The following FKBP15 variants were observed in gnomAD, a reference collection of about 807,000 sequenced individuals.
FKBP15 encodes FK506-binding protein 15.
FKBP15 carries 106 observed loss-of-function variants against 158.1 expected under a neutral mutation model. That is an observed-to-expected ratio of 0.67 (90% CI 0.57 to 0.79). FKBP15 has a LOEUF of 0.79. FKBP15 is among the 30% of genes least tolerant of loss of function. FKBP15 has a pLI of 0.00. For synonymous variants in FKBP15, 547 were observed against 548.6 expected (o/e 1.00, Z 0.04); for missense variants, 1,287 against 1,479.1 (o/e 0.87, Z 2.13).
At chr9:113,210,332 CTTTT>C (rs35201179) in intron 2 of FKBP15, among the ~76,000 whole-genome samples, 5 of 114,740 alleles carry the variant, frequency 4.4e-5, no homozygotes, top group Admixed American at 9.9e-5. Flanking sequence ...GTTGTGATGG[CTTTT>C]TTTTTTTTTT....
chr9:113,163,297 G>T lies in FKBP15; in HGVS notation c.*2781C>A, dbSNP rs1587943826. ...TTGGTGATGCAGGGCATGGAACCTG[G>T]ACACCCTCAGCTCTCCTGCTTTGTG... is the stretch of plus-strand genomic sequence containing the variant. On this transcript the variant is annotated 3_prime_UTR_variant, in exon 28 of 28. Coordinates refer to ENST00000238256, the MANE Select transcript of FKBP15 (RefSeq NM_015258.2). 2 of 159,906 alleles carry T rather than the reference G, an allele frequency of 1.3e-5. No individual in the cohort carries two copies. The highest frequency in any genetic ancestry group is 3.7e-4 in the East Asian group (2 of 5,418). 9.9% of individuals were successfully genotyped at this position (159,906 alleles called of 1,614,324 possible).
intron 19 of FKBP15, among the ~76,000 whole-genome samples, chr9:113,181,931 A>C (rs11790675): frequency 0.14 from 20,942 of 152,114 alleles, 1,876 homozygotes; most frequent in Non-Finnish European, 0.19. Flanking sequence ...AATGGTATAA[A>C]GTAATGGGAA....
chr9:113,175,886 A>G (rs1830291309), intron 21 of FKBP15, among the ~76,000 whole-genome samples: 1 of 152,212 alleles, frequency 6.6e-6, no homozygotes, highest in African/African-American at 2.4e-5. Context: ...GAAGAATGTG[A>G]CAAATGGGCT....
chr9:113,177,688 T>C (rs999495453), intron 20 of FKBP15, among the ~76,000 whole-genome samples: 8 of 152,228 alleles, frequency 5.3e-5, no homozygotes, highest in Admixed American at 2.6e-4. Context: ...ACCTTACCAA[T>C]TGACATCATT....
Position 113,163,010 on chromosome 9 carries a change from A to C in FKBP15, c.*3068T>G. 1 of 1,196,812 alleles carries C rather than the reference A, an allele frequency of 8.4e-7. No individual in the cohort carries two copies. The highest frequency in any genetic ancestry group is 1.1e-6 in the Non-Finnish European group (1 of 882,748). The allele number at this position is 1,196,812 out of a possible 1,614,324, so 74.1% of individuals were successfully genotyped here. ...CCAACTGCCCTTTCTTCTGATGGCTATTCCTCCACCTTATTCCCAGCCCCT... is the reference window on the plus strand; with the variant it reads ...CCAACTGCCCTTTCTTCTGATGGCTCTTCCTCCACCTTATTCCCAGCCCCT... On this transcript the variant is annotated 3_prime_UTR_variant, in exon 28 of 28. Coordinates refer to ENST00000238256, the MANE Select transcript of FKBP15 (RefSeq NM_015258.2).
At chr9:113,179,740 A>G (rs1830360366) in intron 19 of FKBP15, among the ~76,000 whole-genome samples, 1 of 152,100 alleles carries the variant, frequency 6.6e-6, no homozygotes, top group Non-Finnish European at 1.5e-5. Flanking sequence ...CTGTGGGGTA[A>G]TCATTCTTTT....
chr9:113,204,058 G>T (rs1358315768), intron 4 of FKBP15, among the ~76,000 whole-genome samples: 4 of 151,678 alleles, frequency 2.6e-5, no homozygotes, highest in Non-Finnish European at 5.9e-5. Flanking sequence ...TATTATGAAT[G>T]ATACTTCTAT....
intron 15 of FKBP15, among the ~76,000 whole-genome samples, chr9:113,185,072 C>G (rs1830463532): frequency 6.6e-6 from 1 of 152,234 alleles, no homozygotes; most frequent in Non-Finnish European, 1.5e-5. Flanking sequence ...CCACTTTGCA[C>G]TGCCACAGCA....
Position 113,187,885 on chromosome 9 carries a change from C to T in FKBP15, c.1291G>A (p.Val431Ile). 3.7e-6 allele frequency: 6 copies of T among 1,613,758 alleles called. No homozygotes were observed. The highest frequency in any genetic ancestry group is 5.1e-6 in the Non-Finnish European group (6 of 1,179,720). The change falls in exon 14 of 28, where the codon GTT (valine) becomes ATT (isoleucine). Residue 431 changes from valine (V) to isoleucine (I), a missense_variant. By Grantham distance (29) the Val-to-Ile change is conservative. Coordinates refer to ENST00000238256, the MANE Select transcript of FKBP15 (RefSeq NM_015258.2). The part of the protein sequence containing the change: ...QMTSQAPQPS[V>I]TGLQAPSAAL... Reference sequence around the variant, plus strand: ...GCAGAAGGTGCCTGGAGCCCAGTAACAGATGGCTGAGGTGCTAAGATAAAG... The same window carrying T: ...GCAGAAGGTGCCTGGAGCCCAGTAATAGATGGCTGAGGTGCTAAGATAAAG...
At chr9:113,204,156 C>T (rs1007487627) in intron 4 of FKBP15, among the ~76,000 whole-genome samples, 1 of 152,174 alleles carries the variant, frequency 6.6e-6, no homozygotes, top group African/African-American at 2.4e-5. Flanking sequence ...CAGCTTACCG[C>T]AACCTCCACC....
At chr9:113,207,070 G>T in intron 3 of FKBP15, 142 bp downstream of exon 3, 1 of 661,538 alleles carries the variant, frequency 1.5e-6, no homozygotes, top group Non-Finnish European at 2.7e-6. Flanking sequence ...CTCCAATTCA[G>T]ATGTTAAAAG....
chr9:113,168,589 T>C, intron 26 of FKBP15, 33 bp from the exon 27 acceptor site: 1 of 1,596,380 alleles, frequency 6.3e-7, no homozygotes, highest in South Asian at 1.1e-5. Flanking sequence ...AAAATGTTAT[T>C]GTTCCTGCTC....
chr9:113,161,248 G>A lies in FKBP15; in HGVS notation c.*4830C>T. ...ACGACAGATTTGTGCAGCCTGCTGG[G>A]GGAGTGGGTGGGGTAATGGTACGTG... On this transcript the variant is annotated 3_prime_UTR_variant, in exon 28 of 28. Transcript: ENST00000238256. 2.1e-6 allele frequency: 1 copy of A among 482,800 alleles called. No homozygotes were observed. The highest frequency in any genetic ancestry group is 2.7e-5 in the South Asian group (1 of 37,420). The allele number at this position is 482,800 out of a possible 1,614,324, so 29.9% of individuals were successfully genotyped here.
chr9:113,190,398 A>G, intron 12 of FKBP15, 73 bp downstream of exon 12: 8 of 1,227,706 alleles, frequency 6.5e-6, no homozygotes, highest in Non-Finnish European at 9.3e-6. Flanking sequence ...AAAAACAATC[A>G]CTCCAACCAA....
Position 113,186,351 on chromosome 9 carries a change from T to C in FKBP15, c.1396A>G (p.Met466Val), listed in dbSNP as rs1830486257. Residue 466 changes from methionine to valine, a missense_variant, in exon 15 of 28, where the codon ATG (methionine) becomes GTG (valine). By Grantham distance (21) the Met-to-Val change is conservative (BLOSUM62 1). Transcript: ENST00000238256. ...GCCTGGGGATAAGCGTAGGCTTGCA[T>C]ACCTGCATAGGGCTGAGAAACTGAC... ...NAQSFQPYAG[M>V]QAYAYPQASA... is the part of the protein sequence containing the mutation. The C allele has an allele frequency of 1.3e-6, 2 of 1,561,296 alleles. No homozygotes were observed. The highest frequency in any genetic ancestry group is 1.7e-6 in the Non-Finnish European group (2 of 1,151,916).
chr9:113,193,042 T>C (rs1409803715), intron 11 of FKBP15, among the ~76,000 whole-genome samples: 1 of 152,184 alleles, frequency 6.6e-6, no homozygotes, highest in Non-Finnish European at 1.5e-5. Context: ...TTACAAATTA[T>C]CTCTAATCCT....
At chr9:113,205,377 A>C (rs564697154) in intron 4 of FKBP15, among the ~76,000 whole-genome samples, 1 of 152,234 alleles carries the variant, frequency 6.6e-6, no homozygotes, top group South Asian at 2.1e-4. Context: ...ACATCTCTCC[A>C]CAGAAAATAC....
rs777354686 is a variant in FKBP15 at position 113,168,534 on chromosome 9, C to T, written c.3508G>A (p.Glu1170Lys). The change falls in exon 27 of 28, where the codon GAA becomes AAA. Residue 1170 changes from glutamate (E) to lysine (K), a missense_variant. Coordinates refer to ENST00000238256, the MANE Select transcript of FKBP15 (RefSeq NM_015258.2). ...RSSLSGDEED[E>K]LFKGATLKAL... The stretch of plus-strand genomic sequence containing the variant: ...TTCAGAGTTGCCCCTTTAAACAGTT[C>T]ATCCTCTTCATCCCCAGAGAGACTG... The T allele has an allele frequency of 1.2e-6, 2 of 1,613,812 alleles. No homozygotes were observed. The highest frequency in any genetic ancestry group is 2.7e-5 in the African/African-American group (2 of 74,938).
intron 1 of FKBP15, among the ~76,000 whole-genome samples, chr9:113,212,174 C>T (rs1831019305): frequency 6.6e-6 from 1 of 152,052 alleles, no homozygotes; most frequent in Admixed American, 6.6e-5. Context: ...GCTAAAATCA[C>T]TAAAAATTTT....
Sources: allele counts gnomAD v4.1 joint callset (sites outside exome capture counted in the v4.1 genomes callset), GRCh38; gene constraint gnomAD v4.1.1; transcripts MANE v1.5; gene names NCBI Gene and HGNC (gene_info 2026-07-23, HGNC 2026-07-21).